The following RSU1 variants were observed in gnomAD, a reference collection of about 807,000 sequenced individuals.
RSU1 encodes Ras suppressor protein 1, also known as rsu-1.
Under a neutral mutation model 31.1 loss-of-function variants are expected in RSU1, and 26 were observed. The ratio of observed to expected loss-of-function variants is 0.84; its 90% CI spans 0.61 to 1.16. The LOEUF is 1.16. RSU1 is among the 50% of genes most tolerant of loss of function. RSU1 has a pLI of 0.00. For synonymous variants in RSU1, 164 were observed against 136.3 expected (o/e 1.20, Z -1.41); for missense variants, 320 against 339.1 (o/e 0.94, Z 0.44).
intron 8 of RSU1, among the ~76,000 whole-genome samples, chr10:16,625,020 G>A (rs1043190526): frequency 1.3e-5 from 2 of 152,140 alleles, no homozygotes; most frequent in African/African-American, 4.8e-5. Flanking sequence ...TTTAAGTGAT[G>A]TAGCCACAAC....
At chr10:16,799,075 G>A (rs866824634) in intron 2 of RSU1, among the ~76,000 whole-genome samples, 4 of 152,128 alleles carry the variant, frequency 2.6e-5, no homozygotes, top group Non-Finnish European at 5.9e-5. Flanking sequence ...TAAAAGATAG[G>A]GGTGCCTGTA....
intron 8 of RSU1, among the ~76,000 whole-genome samples, chr10:16,683,918 G>A (rs1835387106): frequency 6.6e-6 from 1 of 152,170 alleles, no homozygotes; most frequent in Non-Finnish European, 1.5e-5. Flanking sequence ...ACATTTTCTG[G>A]TTGACAATTG....
chr10:16,719,308 A>G (rs1215857686), intron 7 of RSU1, among the ~76,000 whole-genome samples: 3 of 152,174 alleles, frequency 2.0e-5, no homozygotes, highest in Non-Finnish European at 2.9e-5. Context: ...ACTCCATCTC[A>G]AAAACAAAAA....
At chr10:16,790,707 G>A (rs1294821529) in intron 2 of RSU1, among the ~76,000 whole-genome samples, 1 of 152,140 alleles carries the variant, frequency 6.6e-6, no homozygotes, top group Non-Finnish European at 1.5e-5. Context: ...GGTGGGAAGT[G>A]ACTGGATCAT....
At chr10:16,791,764 A>C (rs890632881) in intron 2 of RSU1, among the ~76,000 whole-genome samples, 6 of 152,230 alleles carry the variant, frequency 3.9e-5, no homozygotes, top group Non-Finnish European at 7.3e-5. Context: ...CTTCAGGATA[A>C]AGTAGACAAT....
intron 8 of RSU1, among the ~76,000 whole-genome samples, chr10:16,603,999 C>T (rs981627903): frequency 1.3e-5 from 2 of 152,264 alleles, no homozygotes; most frequent in Non-Finnish European, 2.9e-5. Flanking sequence ...TAGTAATCAT[C>T]TAATGGACCT....
chr10:16,698,089 C>A (rs1564321858), intron 7 of RSU1, among the ~76,000 whole-genome samples: 1 of 143,068 alleles, frequency 7.0e-6, no homozygotes, highest in Non-Finnish European at 1.5e-5. Flanking sequence ...TCTCACCACA[C>A]TGTATTTTCA....
intron 2 of RSU1, 90 bp from the exon 3 acceptor site, chr10:16,782,174 G>A: frequency 9.8e-7 from 1 of 1,018,372 alleles, no homozygotes; most frequent in Non-Finnish European, 1.5e-6. Context: ...AAACGGCAAA[G>A]TTATTTTCAC....
chr10:16,710,666 A>T (rs1002141792), intron 7 of RSU1, among the ~76,000 whole-genome samples: 5 of 151,514 alleles, frequency 3.3e-5, no homozygotes, highest in Non-Finnish European at 2.9e-5. Context: ...TTTTTTTTAA[A>T]TTTTTTTATT....
At chr10:16,602,536 C>G (rs1833730299) in intron 8 of RSU1, among the ~76,000 whole-genome samples, 1 of 152,190 alleles carries the variant, frequency 6.6e-6, no homozygotes, top group African/African-American at 2.4e-5. Flanking sequence ...TTCTGCAGGG[C>G]AGGGAGTGCA....
rs1318013672 is a variant in RSU1 at position 16,592,478 on chromosome 10, C to G, written c.*916G>C. On this transcript the variant is annotated 3_prime_UTR_variant, in exon 9 of 9. Coordinates refer to ENST00000345264, the MANE Select transcript of RSU1 (RefSeq NM_012425.4). ...CACCCTGGGTGTGGTGTAGCGCGTG[C>G]ACATTTACACAACTTCCTTGGCATC... The G allele has an allele frequency of 6.6e-6, 1 of 152,126 alleles. No individual in the cohort carries two copies. The highest frequency in any genetic ancestry group is 2.4e-5 in the African/African-American group (1 of 41,410). The allele number at this position is 152,126 out of a possible 1,614,324, so 9.4% of individuals were successfully genotyped here.
At chr10:16,693,689 C>T (rs1407160161) in intron 8 of RSU1, among the ~76,000 whole-genome samples, 1 of 151,522 alleles carries the variant, frequency 6.6e-6, no homozygotes, top group Non-Finnish European at 1.5e-5. Context: ...AGGGAGACCC[C>T]GTCTCTGCAA....
At chr10:16,646,435 C>A (rs1834571899) in intron 8 of RSU1, among the ~76,000 whole-genome samples, 1 of 152,118 alleles carries the variant, frequency 6.6e-6, no homozygotes, top group South Asian at 2.1e-4. Context: ...TCATTGTTTA[C>A]AGATGAACCA....
chr10:16,764,362 C>G, intron 4 of RSU1, 28 bp downstream of exon 4: 1 of 1,598,916 alleles, frequency 6.3e-7, no homozygotes, highest in East Asian at 2.3e-5. Flanking sequence ...CTCTTCCTCT[C>G]CATCCTTTCC....
chr10:16,634,579 C>T (rs1217569844), intron 8 of RSU1, among the ~76,000 whole-genome samples: 1 of 152,174 alleles, frequency 6.6e-6, no homozygotes, highest in Non-Finnish European at 1.5e-5. Flanking sequence ...TTTGCCTCTG[C>T]ATCTTATGTT....
chr10:16,752,547 G>T lies in RSU1; in HGVS notation c.590C>A (p.Pro197Gln). Residue 197 changes from proline (P) to glutamine (Q), a missense_variant, in exon 7 of 9, where the codon CCA becomes CAA. Pro to Gln is a moderately conservative substitution (Grantham distance 76, BLOSUM62 -1). Transcript: ENST00000345264. ...TTCATCAGCAACCTTACCTAGTTCT[G>T]GGGGCAGAACGGTGAGGCGGTTCCC... ...IQGNRLTVLP[P>Q]ELGNLDLTGQ... The T allele has an allele frequency of 1.2e-6, 2 of 1,612,710 alleles. No individual in the cohort carries two copies. The highest frequency in any genetic ancestry group is 1.7e-6 in the Non-Finnish European group (2 of 1,178,748).
intron 8 of RSU1, among the ~76,000 whole-genome samples, chr10:16,637,968 AAAG>A (rs1396111266): frequency 6.6e-6 from 1 of 152,174 alleles, no homozygotes. Context: ...CAAAAAGACC[AAAG>A]GAGAAAAAAA....
chr10:16,637,344 G>C (rs1472380677), intron 8 of RSU1, among the ~76,000 whole-genome samples: 4 of 152,200 alleles, frequency 2.6e-5, no homozygotes, highest in Non-Finnish European at 4.4e-5. Context: ...TTACGCAGGG[G>C]CCTGCCATCT....
chr10:16,637,060 T>C (rs1428729745), intron 8 of RSU1, among the ~76,000 whole-genome samples: 1 of 152,222 alleles, frequency 6.6e-6, no homozygotes, highest in East Asian at 1.9e-4. Context: ...GAGTGGAACA[T>C]GTTCCTTTAT....
Sources: gnomAD v4.1 joint callset for allele counts (sites outside exome capture counted in the v4.1 genomes callset) on GRCh38, gnomAD v4.1.1 for gene constraint, MANE v1.5 for transcripts, NCBI Gene and HGNC (gene_info 2026-07-23, HGNC 2026-07-21) for gene names.